CGGBP1: variants seen among roughly 807,000 people sequenced by gnomAD.
The protein encoded by CGGBP1 is CGG triplet repeat-binding protein 1.
CGGBP1 carries 4 observed loss-of-function variants against 11.4 expected under a neutral mutation model. The observed-to-expected ratio is 0.35, with a 90% CI of 0.17 to 0.80. The LOEUF (loss-of-function observed/expected upper bound fraction) is 0.80. Among genes scored for constraint, CGGBP1 ranks in the 30% least tolerant of loss-of-function variants. The pLI is 0.52. For synonymous variants in CGGBP1, 76 were observed against 74.1 expected, an observed-to-expected ratio of 1.03 and a Z score of -0.13; for missense variants, 135 against 202.1, an observed-to-expected ratio of 0.67 and a Z score of 2.01.
At chr3:88,140,498 C>T (rs768256952) in intron 2 of CGGBP1, 12 of 1,613,534 alleles carry the variant, frequency 7.4e-6, no homozygotes, top group East Asian at 4.5e-5. Context: ...AGAATGGAAA[C>T]GAACGTTCTG....
intron 2 of CGGBP1, among the ~76,000 whole-genome samples, chr3:88,107,094 C>A (rs1704789642): frequency 6.6e-6 from 1 of 152,088 alleles, no homozygotes; most frequent in South Asian, 2.1e-4. Context: ...AATTGTCTAC[C>A]CCCAGAAAAA....
In CGGBP1 at chr3:88,055,483, T is replaced by A. The variant is rs1488425035; in HGVS notation, c.494A>T (p.Gln165Leu). 6.6e-7 allele frequency: 1 copy of A among 1,519,168 alleles called. No homozygotes were observed. Among genetic ancestry groups the A allele is most frequent in the East Asian group, 2.3e-5 (1 of 43,926 alleles). 94.1% of individuals were successfully genotyped at this position (1,519,168 alleles called of 1,614,324 possible). The stretch of plus-strand genomic sequence containing the variant: ...GTGGTAACCTCCTAGTCAACAATCT[T>A]GTGAGTTGAGGAGTTGATTCTCATT... ...YENENQLLNS[Q>L]DC The change falls in exon 4 of 4, where the codon CAA becomes CTA. Residue 165 changes from glutamine to leucine, a missense_variant. Coordinates refer to ENST00000482016, the MANE Select transcript of CGGBP1 (RefSeq NM_001008390.2). The surrounding 1 kb of genome is among the most constrained non-coding windows in gnomAD (Gnocchi z 4.2).
In CGGBP1 at chr3:88,064,193, G is replaced by A. The variant is rs1207851749; in HGVS notation, c.-228-5970C>T. Reference sequence around the variant, plus strand: ...CCTTTCCTACTTCTTATTCTCCAGAGGCTATCACTGGCAACTCTTTCAGTT... The same window carrying A: ...CCTTTCCTACTTCTTATTCTCCAGAAGCTATCACTGGCAACTCTTTCAGTT... On this transcript the variant is annotated intron_variant, in intron 2 of 3. Transcript: ENST00000462901. 3.3e-5 allele frequency among the ~76,000 whole-genome samples: 5 copies of A among 151,068 alleles called. No homozygotes were observed. In the East Asian group the frequency reaches 7.8e-4, roughly 23 times the overall value.
intron 2 of CGGBP1, among the ~76,000 whole-genome samples, chr3:88,078,300 T>C (rs75391019): frequency 0.09 from 13,639 of 152,224 alleles, 769 homozygotes; most frequent in Non-Finnish European, 0.13. Flanking sequence ...TAAAACTACT[T>C]CATTTTATTT....
chr3:88,061,869 A>G (rs370521135), upstream of CGGBP1, among the ~76,000 whole-genome samples: 2 of 152,202 alleles, frequency 1.3e-5, no homozygotes, highest in Non-Finnish European at 2.9e-5. Flanking sequence ...GGTATGTGAC[A>G]GTTAACTAAG....
At chr3:88,141,840 G>A in intron 1 of CGGBP1, 1 of 429,354 alleles carries the variant, frequency 2.3e-6, no homozygotes, top group South Asian at 9.8e-5. Context: ...GACTCCAAAA[G>A]GATTATAAAA....
intron 2 of CGGBP1, among the ~76,000 whole-genome samples, chr3:88,125,342 A>T (rs1237532410): frequency 1.3e-5 from 2 of 152,242 alleles, no homozygotes; most frequent in Non-Finnish European, 2.9e-5. Context: ...TATATTCAGT[A>T]AACTAAGACT....
intron 2 of CGGBP1, among the ~76,000 whole-genome samples, chr3:88,077,324 G>A (rs1707860808): frequency 6.6e-6 from 1 of 150,802 alleles, no homozygotes; most frequent in Non-Finnish European, 1.5e-5. Flanking sequence ...AAAAGTTGCA[G>A]ACTTAAATTG....
rs191854832 is a variant in CGGBP1, at chr3:88,140,982, G to A, written c.-241C>T. ...CCTGACCACCTACTGTAATGCAGAA[G>A]CACTTGAGGCTCATCTTGCACAAAA... On this transcript the variant is annotated 5_prime_UTR_variant, in exon 2 of 4. Coordinates refer to the CGGBP1 transcript ENST00000462901. 1.7e-5 allele frequency: 28 copies of A among 1,613,096 alleles called. No homozygotes were observed. Among genetic ancestry groups the A allele is most frequent in the Non-Finnish European group, 1.3e-5 (15 of 1,179,462 alleles).
intron 2 of CGGBP1, among the ~76,000 whole-genome samples, chr3:88,133,946 T>C (rs767881332): frequency 1.3e-5 from 2 of 152,062 alleles, no homozygotes; most frequent in Non-Finnish European, 2.9e-5. Flanking sequence ...AGGAAAAGAT[T>C]ATCAGTTTTG....
intron 2 of CGGBP1, among the ~76,000 whole-genome samples, chr3:88,102,543 T>C (rs1371981130): frequency 1.3e-5 from 2 of 152,210 alleles, no homozygotes; most frequent in African/African-American, 4.8e-5. Flanking sequence ...CTTAACATGG[T>C]TAATCTTTTC....
chr3:88,134,600 A>T (rs947439880), intron 2 of CGGBP1, among the ~76,000 whole-genome samples: 7 of 152,128 alleles, frequency 4.6e-5, no homozygotes, highest in Non-Finnish European at 1.5e-5. Context: ...CAGAATCAAT[A>T]CTATACTTAC....
At chr3:88,132,142 C>T (rs1278577528) in intron 2 of CGGBP1, among the ~76,000 whole-genome samples, 1 of 152,036 alleles carries the variant, frequency 6.6e-6, no homozygotes, top group Non-Finnish European at 1.5e-5. Flanking sequence ...GTGTTCAAGC[C>T]ATTCAGCTAG....
At chr3:88,136,631 G>A (rs569989180) in intron 2 of CGGBP1, among the ~76,000 whole-genome samples, 1 of 152,258 alleles carries the variant, frequency 6.6e-6, no homozygotes, top group South Asian at 2.1e-4. Context: ...ACCATCTGGT[G>A]ACATTAAAGG....
rs1428139116 is a variant in CGGBP1 at position 88,054,331 on chromosome 3, A to T, written c.*1142T>A. 6.6e-6 allele frequency: 1 copy of T among 152,348 alleles called. No homozygotes were observed. The highest frequency in any genetic ancestry group is 1.5e-5 in the Non-Finnish European group (1 of 68,018). The allele number at this position is 152,348 out of a possible 1,614,324, so 9.4% of individuals were successfully genotyped here. ...CCTTACAGGATAGTGAGGTTCAAAC[A>T]GAGATCATTTCCTGAACATGGCTGA... On this transcript the variant is annotated 3_prime_UTR_variant, in exon 4 of 4. Coordinates refer to ENST00000482016, the MANE Select transcript of CGGBP1 (RefSeq NM_001008390.2).
At chr3:88,084,930 C>T (rs1708259580) in intron 2 of CGGBP1, among the ~76,000 whole-genome samples, 1 of 152,186 alleles carries the variant, frequency 6.6e-6, no homozygotes. Flanking sequence ...TCTACAAGCA[C>T]ATCTGCCTGA....
chr3:88,059,365 G>C, upstream of CGGBP1: 1 of 1,535,326 alleles, frequency 6.5e-7, no homozygotes, highest in South Asian at 1.2e-5. Flanking sequence ...CCTCGGAGAA[G>C]AGCTTGTGGC....
chr3:88,109,305 A>G (rs1704946284), intron 2 of CGGBP1, among the ~76,000 whole-genome samples: 1 of 152,126 alleles, frequency 6.6e-6, no homozygotes, highest in Non-Finnish European at 1.5e-5. Flanking sequence ...GCTCTTTGTT[A>G]CTAAGTAGGA....
At chr3:88,116,278 T>C (rs1705385249) in intron 2 of CGGBP1, among the ~76,000 whole-genome samples, 1 of 152,040 alleles carries the variant, frequency 6.6e-6, no homozygotes, top group Admixed American at 6.6e-5. Context: ...CCCAGCACTT[T>C]GGGAGGCCGA....
Sources: gnomAD v4.1 joint callset for allele counts (sites outside exome capture counted in the v4.1 genomes callset) on GRCh38, gnomAD v4.1.1 for gene constraint, Gnocchi (gnomAD v3.1) non-coding constraint, MANE v1.5 for transcripts, NCBI Gene and HGNC (gene_info 2026-07-23, HGNC 2026-07-21) for gene names.